ASTN2: variants seen among roughly 807,000 people sequenced by gnomAD.
ASTN2 encodes astrotactin-2.
Under a neutral mutation model 139.8 loss-of-function variants are expected in ASTN2, and 54 were observed. The ratio of observed to expected loss-of-function variants is 0.39; its 90% CI spans 0.31 to 0.48. The LOEUF (loss-of-function observed/expected upper bound fraction) is 0.48, where lower values mean the gene tolerates loss of function less well. Ranked by LOEUF, ASTN2 falls within the 20% of genes least tolerant of loss-of-function variation. The pLI is 0.95. For missense variants in ASTN2, 1,565 were observed against 1,725.1 expected (o/e 0.91, Z 1.64); for synonymous variants, 756 against 719.5 (o/e 1.05, Z -0.81).
chr9:116,486,010 A>G lies in ASTN2; in HGVS notation c.3497+1349T>C, dbSNP rs79385569. Among the ~76,000 whole-genome samples, 1,089 of 152,352 alleles carry G rather than the reference A, an allele frequency of 7.1e-3. 4 individuals are homozygous for G. Among genetic ancestry groups the G allele is most frequent in the Non-Finnish European group, 0.012 (827 of 68,040 alleles). ...ACACTTACTGAGCACATGCTTGGAG[A>G]TACCAAGCCAGGGTGTTTCTTGTTT... On this transcript the variant is annotated intron_variant, in intron 20 of 22. Transcript: ENST00000313400.
chr9:117,188,545 G>T (rs1454343449), intron 3 of ASTN2, among the ~76,000 whole-genome samples: 1 of 152,086 alleles, frequency 6.6e-6, no homozygotes, highest in African/African-American at 2.4e-5. Flanking sequence ...TCACTGCTGT[G>T]TTGTTGCTGG....
intron 1 of ASTN2, among the ~76,000 whole-genome samples, chr9:117,391,728 A>C (rs1830546645): frequency 6.6e-6 from 1 of 152,156 alleles, no homozygotes; most frequent in African/African-American, 2.4e-5. Context: ...TCATTTCAGC[A>C]TTAACTCAAA....
chr9:116,659,996 G>A (rs73530819), intron 16 of ASTN2, among the ~76,000 whole-genome samples: 9,044 of 152,132 alleles, frequency 0.059, 884 homozygotes, highest in African/African-American at 0.21. Context: ...CAGTACTCAC[G>A]CCTGGACTCT....
intron 6 of ASTN2, among the ~76,000 whole-genome samples, chr9:117,030,547 T>C (rs1838218008): frequency 6.6e-6 from 1 of 152,170 alleles, no homozygotes; most frequent in Non-Finnish European, 1.5e-5. Flanking sequence ...GCACAGAGTG[T>C]CATTAAAAAT....
intron 16 of ASTN2, among the ~76,000 whole-genome samples, chr9:116,715,037 G>T (rs1828273671): frequency 1.5e-5 from 1 of 68,590 alleles, no homozygotes; most frequent in Non-Finnish European, 2.6e-5. Flanking sequence ...CCGAGATCCC[G>T]CCACTGCACT....
chr9:116,909,117 G>A (rs1325971031), intron 10 of ASTN2, among the ~76,000 whole-genome samples: 1 of 152,178 alleles, frequency 6.6e-6, no homozygotes, highest in African/African-American at 2.4e-5. Context: ...GGAGGCATTT[G>A]GGCAGGAGGT....
chr9:116,450,929 T>G (rs1398574321), intron 20 of ASTN2, among the ~76,000 whole-genome samples: 1 of 152,162 alleles, frequency 6.6e-6, no homozygotes, highest in South Asian at 2.1e-4. Context: ...TCAAAACAAC[T>G]CAGTCTGAGG....
intron 1 of ASTN2, among the ~76,000 whole-genome samples, chr9:117,317,415 C>A (rs140633037): frequency 6.6e-6 from 1 of 152,210 alleles, no homozygotes; most frequent in African/African-American, 2.4e-5. Flanking sequence ...TCAGCAGAGC[C>A]CGACAATGCC....
At chr9:116,549,470 TGG>T (rs1426775731) in intron 19 of ASTN2, among the ~76,000 whole-genome samples, 1 of 152,192 alleles carries the variant, frequency 6.6e-6, no homozygotes, top group Admixed American at 6.5e-5. Flanking sequence ...TGATCCCAGC[TGG>T]GGCCCCAGGC....
At chr9:116,521,760 A>G (rs532153637) in intron 19 of ASTN2, among the ~76,000 whole-genome samples, 3 of 152,322 alleles carry the variant, frequency 2.0e-5, no homozygotes, top group East Asian at 3.9e-4. Context: ...TACAACTGAC[A>G]AAGGACTAAT....
chr9:117,301,777 G>T (rs1228631287), intron 1 of ASTN2, among the ~76,000 whole-genome samples: 1 of 152,122 alleles, frequency 6.6e-6, no homozygotes, highest in Admixed American at 6.5e-5. Flanking sequence ...TGGGAAAGAG[G>T]TATATGAAGC....
At chr9:116,933,185 G>A (rs1251999056) in intron 10 of ASTN2, among the ~76,000 whole-genome samples, 1 of 152,008 alleles carries the variant, frequency 6.6e-6, no homozygotes. Context: ...TGGCAGGAGA[G>A]GGATTTTTTA....
intron 10 of ASTN2, among the ~76,000 whole-genome samples, chr9:116,871,272 A>C (rs1381408199): frequency 2.6e-5 from 4 of 152,172 alleles, no homozygotes; most frequent in African/African-American, 7.2e-5. Context: ...TAAATAAATA[A>C]ATAAAATAAA....
chr9:116,592,800 G>A (rs1854429040), intron 19 of ASTN2, among the ~76,000 whole-genome samples: 1 of 152,102 alleles, frequency 6.6e-6, no homozygotes, highest in Non-Finnish European at 1.5e-5. Context: ...GCCCATAGAT[G>A]GGAATCTCAA....
At chr9:117,322,958 A>T (rs1228538682) in intron 1 of ASTN2, among the ~76,000 whole-genome samples, 1 of 151,676 alleles carries the variant, frequency 6.6e-6, no homozygotes. Context: ...AAGAACAATA[A>T]TTTTTTTTTC....
intron 16 of ASTN2, among the ~76,000 whole-genome samples, chr9:116,711,594 T>C (rs1828164842): frequency 6.6e-6 from 1 of 152,132 alleles, no homozygotes; most frequent in African/African-American, 2.4e-5. Context: ...CTTAGGAATC[T>C]TAGACTCAGT....
At position 116,442,520 on chromosome 9, in the gene ASTN2, C is replaced by T. The variant is rs1814811898; in HGVS notation, c.3531G>A (p.Arg1177=). The T allele has an allele frequency of 6.2e-7, 1 of 1,614,152 alleles. No individual in the cohort carries two copies. Among genetic ancestry groups the T allele is most frequent in the Non-Finnish European group, 8.5e-7 (1 of 1,180,026 alleles). The part of the protein sequence containing the change: ...FTLYAVDTRG[R]HSELSTVTLR... ...GGGTCACCGTGCTTAGCTCTGAGTG[C>T]CTCCCTCGTGTATCCACAGCATACA... Residue 1177 remains arginine, a synonymous_variant, in exon 21 of 23, where the codon AGG becomes AGA. Transcript: ENST00000313400.
chr9:117,198,403 C>A (rs1831582906), intron 3 of ASTN2, among the ~76,000 whole-genome samples: 1 of 151,798 alleles, frequency 6.6e-6, no homozygotes, highest in Non-Finnish European at 1.5e-5. Context: ...TGTATATGTA[C>A]CACATTTTCT....
At chr9:116,553,402 C>G (rs1307722113) in intron 19 of ASTN2, among the ~76,000 whole-genome samples, 1 of 152,178 alleles carries the variant, frequency 6.6e-6, no homozygotes, top group Non-Finnish European at 1.5e-5. Context: ...TTTTCCTTAA[C>G]TTTTCTCTTC....
Sources: gnomAD v4.1 joint callset for allele counts (sites outside exome capture counted in the v4.1 genomes callset) on GRCh38, gnomAD v4.1.1 for gene constraint, MANE v1.5 for transcripts, NCBI Gene and HGNC (gene_info 2026-07-23, HGNC 2026-07-21) for gene names.